Variants in PLCXD2 observed in about 807,000 individuals in gnomAD.
PLCXD2 encodes the protein PI-PLC X domain-containing protein 2.
A neutral mutation model predicts 28.6 loss-of-function variants in PLCXD2; 21 were observed. The ratio of observed to expected loss-of-function variants is 0.73; its 90% CI spans 0.52 to 1.06. The LOEUF (loss-of-function observed/expected upper bound fraction) is 1.06. Among genes scored for constraint, PLCXD2 ranks in the 50% least tolerant of loss-of-function variants. The probability of loss-of-function intolerance (pLI) is 0.00; values close to 1 mark genes in which losing one functional copy is unlikely to be tolerated. For synonymous variants in PLCXD2, 140 were observed against 150.1 expected (o/e 0.93, Z 0.49); for missense variants, 369 against 376.7 (o/e 0.98, Z 0.17).
intron 1 of PLCXD2, among the ~76,000 whole-genome samples, chr3:111,682,595 T>C (rs1037913060): frequency 6.6e-6 from 1 of 152,214 alleles, no homozygotes; most frequent in Non-Finnish European, 1.5e-5. Flanking sequence ...TCTGCAGTAG[T>C]GGTGGAACTG....
At chr3:111,683,905 A>C (rs1358004875) in intron 1 of PLCXD2, among the ~76,000 whole-genome samples, 1 of 152,162 alleles carries the variant, frequency 6.6e-6, no homozygotes, top group Non-Finnish European at 1.5e-5. Flanking sequence ...TAGAGGGGGA[A>C]ATAAAATGAG....
At chr3:111,710,687 T>G (rs2107865442) in intron 2 of PLCXD2, among the ~76,000 whole-genome samples, 1 of 152,348 alleles carries the variant, frequency 6.6e-6, no homozygotes, top group East Asian at 1.9e-4. Context: ...AATACTTTGC[T>G]TTTATTAATG....
Position 111,706,812 on chromosome 3 carries a change from C to CAAA in PLCXD2, c.164-1101_164-1099dup, listed in dbSNP as rs34217304. On this transcript the variant is annotated intron_variant, in intron 1 of 4. Transcript: ENST00000477665. Reference sequence around the variant, plus strand: ...ATATCAGACAAAATAGACTTTAAGGCAAAAAAAAAAAAAAACACAAAGAGA... The same window carrying CAAA: ...ATATCAGACAAAATAGACTTTAAGGCAAAAAAAAAAAAAAAAAACACAAAGAGA... Among the ~76,000 whole-genome samples the CAAA allele has an allele frequency of 7.5e-3, 859 of 115,036 alleles. 8 individuals carry two copies. Among genetic ancestry groups the CAAA allele is most frequent in the African/African-American group, 0.023 (790 of 34,466 alleles). 75.5% of individuals were successfully genotyped at this position (115,036 alleles called of 152,430 possible).
At position 111,714,065 on chromosome 3, in the gene PLCXD2, C is replaced by T. The variant is rs1342639118; in HGVS notation, c.803C>T (p.Thr268Ile). 2 of 1,614,158 alleles carry T rather than the reference C, an allele frequency of 1.2e-6. No individual in the cohort carries two copies. The highest frequency in any genetic ancestry group is 1.7e-5 in the Admixed American group (1 of 60,024). ...TTCCATGTCTCCCAAGCGATCCTCA[C>T]CCCCAGAGTGAAGACCATTGCCCGG... Residue 268 changes from threonine to isoleucine, a missense_variant, in exon 3 of 5, where the codon ACC becomes ATC. Coordinates refer to ENST00000477665, the MANE Select transcript of PLCXD2 (RefSeq NM_001185106.1).
At chr3:111,717,230 A>T (rs941512285) in intron 3 of PLCXD2, among the ~76,000 whole-genome samples, 1 of 152,012 alleles carries the variant, frequency 6.6e-6, no homozygotes, top group Non-Finnish European at 1.5e-5. Context: ...TTAACATGAA[A>T]ATGCCAGCCA....
intron 3 of PLCXD2, chr3:111,725,561 A>C (rs1010674593): frequency 2.5e-6 from 1 of 398,210 alleles, no homozygotes; most frequent in Non-Finnish European, 4.4e-6. Context: ...AACCCTAAAC[A>C]GGCCCTAACC....
intron 1 of PLCXD2, among the ~76,000 whole-genome samples, chr3:111,688,310 A>C (rs1191527572): frequency 1.3e-5 from 2 of 152,208 alleles, no homozygotes; most frequent in East Asian, 3.8e-4. Context: ...TGTTATACTC[A>C]TAGTTACTGT....
intron 1 of PLCXD2, among the ~76,000 whole-genome samples, chr3:111,681,493 TTTA>T (rs950986179): frequency 1.4e-4 from 22 of 152,146 alleles, no homozygotes; most frequent in African/African-American, 5.1e-4. Context: ...TTATACATGT[TTTA>T]TAATTCCTTC....
At chr3:111,711,264 C>T (rs912660813) in intron 2 of PLCXD2, among the ~76,000 whole-genome samples, 2 of 152,102 alleles carry the variant, frequency 1.3e-5, no homozygotes, top group African/African-American at 4.8e-5. Flanking sequence ...ATTAGCTGGG[C>T]ATGGTGGCAC....
chr3:111,683,573 A>G (rs771463654), intron 1 of PLCXD2, among the ~76,000 whole-genome samples: 1 of 152,186 alleles, frequency 6.6e-6, no homozygotes, highest in Non-Finnish European at 1.5e-5. Context: ...CTTTCACTCT[A>G]TTCAACACTT....
chr3:111,687,005 G>A (rs1940804550), intron 1 of PLCXD2, among the ~76,000 whole-genome samples: 1 of 152,142 alleles, frequency 6.6e-6, no homozygotes, highest in African/African-American at 2.4e-5. Flanking sequence ...ATGTTGGATG[G>A]ACCTAATAGA....
chr3:111,709,113 T>C (rs1292559653), intron 2 of PLCXD2, among the ~76,000 whole-genome samples: 2 of 147,872 alleles, frequency 1.4e-5, no homozygotes, highest in Admixed American at 1.3e-4. Flanking sequence ...AAAAAAGACA[T>C]ACCTTTCATT....
intron 1 of PLCXD2, among the ~76,000 whole-genome samples, chr3:111,694,808 C>T (rs1261290070): frequency 6.6e-6 from 1 of 152,176 alleles, no homozygotes; most frequent in Non-Finnish European, 1.5e-5. Flanking sequence ...CTGGCATATC[C>T]TCATCACTGT....
At chr3:111,692,478 A>G (rs1940902339) in intron 1 of PLCXD2, 1 of 152,270 alleles carries the variant, frequency 6.6e-6, no homozygotes, top group African/African-American at 2.4e-5. Context: ...GGGGAAATTT[A>G]AATGAACCTA....
intron 2 of PLCXD2, among the ~76,000 whole-genome samples, chr3:111,711,626 A>G (rs138418367): frequency 6.6e-6 from 1 of 152,358 alleles, no homozygotes; most frequent in East Asian, 1.9e-4. Context: ...CAATTACATC[A>G]TAGCCATAGG....
At chr3:111,705,247 A>G (rs1941100782) in intron 1 of PLCXD2, among the ~76,000 whole-genome samples, 1 of 152,164 alleles carries the variant, frequency 6.6e-6, no homozygotes, top group South Asian at 2.1e-4. Flanking sequence ...CCCACATATG[A>G]GTGACAATAT....
At chr3:111,679,708 A>G (rs1390468078) in intron 1 of PLCXD2, among the ~76,000 whole-genome samples, 2 of 152,190 alleles carry the variant, frequency 1.3e-5, no homozygotes, top group East Asian at 3.8e-4. Flanking sequence ...AATATTCCTG[A>G]AGATTAGGCT....
intron 1 of PLCXD2, chr3:111,676,933 G>A (rs1160641419): frequency 1.3e-5 from 2 of 152,266 alleles, no homozygotes; most frequent in African/African-American, 4.8e-5. Context: ...TCTGCTAGTG[G>A]GTTGGCTGTG....
chr3:111,708,253 A>G lies in PLCXD2; in HGVS notation c.491A>G (p.His164Arg). 6.2e-7 allele frequency: 1 copy of G among 1,613,950 alleles called. No individual in the cohort carries two copies. Among genetic ancestry groups the G allele is most frequent in the Non-Finnish European group, 8.5e-7 (1 of 1,179,978 alleles). Residue 164 changes from histidine (H) to arginine (R), a missense_variant, in exon 2 of 5, where the codon CAC becomes CGC. Coordinates refer to ENST00000477665, the MANE Select transcript of PLCXD2 (RefSeq NM_001185106.1). The stretch of plus-strand genomic sequence containing the variant: ...GAGATTATCTTCCTGGATTTCAACC[A>G]CTTCTATGCCATGGATGAGACCCAT...
Sources: gnomAD v4.1 joint callset for allele counts (sites outside exome capture counted in the v4.1 genomes callset) on GRCh38, gnomAD v4.1.1 for gene constraint, MANE v1.5 for transcripts, NCBI Gene and HGNC (gene_info 2026-07-23, HGNC 2026-07-21) for gene names.